The following ARHGAP6 variants were observed in gnomAD, a reference collection of about 807,000 sequenced individuals.
The protein encoded by ARHGAP6 is rho GTPase-activating protein 6.
In ARHGAP6, 16 loss-of-function variants were observed where a neutral mutation model predicts 55.7. That is an observed-to-expected ratio of 0.29 (90% CI 0.19 to 0.44). The LOEUF is 0.44. Ranked by LOEUF, ARHGAP6 falls within the 20% of genes least tolerant of loss-of-function variation. The probability of loss-of-function intolerance (pLI) is 1.00; values close to 1 mark genes in which losing one functional copy is unlikely to be tolerated. For synonymous variants in ARHGAP6, 382 were observed against 360.9 expected, an observed-to-expected ratio of 1.06 and a Z score of -0.66; for missense variants, 698 against 808.9, an observed-to-expected ratio of 0.86 and a Z score of 1.66.
chrX:11,287,025 T>C (rs2047929543), intron 1 of ARHGAP6, among the ~76,000 whole-genome samples: 1 of 112,056 alleles, frequency 8.9e-6, no homozygotes, highest in Non-Finnish European at 1.9e-5. Context: ...AAAAATATAC[T>C]AAAACCCACT....
At chrX:11,554,321 T>A (rs1453819550) in intron 1 of ARHGAP6, among the ~76,000 whole-genome samples, 1 of 111,518 alleles carries the variant, frequency 9.0e-6, no homozygotes, top group East Asian at 2.8e-4. Flanking sequence ...TGAAGAGAGG[T>A]TGGTTCATGT....
rs140406058 is a variant in ARHGAP6 at position 11,487,949 on chromosome X, G to A, written c.588+176292C>T. Among the ~76,000 whole-genome samples the A allele has an allele frequency of 3.5e-3, 391 of 112,213 alleles. 2 individuals carry two copies. The highest frequency in any genetic ancestry group is 0.012 in the African/African-American group (376 of 30,949). On this transcript the variant is annotated intron_variant, in intron 1 of 12. Transcript: ENST00000337414. Reference sequence around the variant, plus strand: ...AGTGAGTGAAAGTTTGATGACGAATGGGATATTTATACCTCTTCAAATGTG... The same window carrying A: ...AGTGAGTGAAAGTTTGATGACGAATAGGATATTTATACCTCTTCAAATGTG...
chrX:11,431,267 T>C (rs1243929912), intron 1 of ARHGAP6, among the ~76,000 whole-genome samples: 2 of 112,573 alleles, frequency 1.8e-5, no homozygotes, highest in African/African-American at 6.5e-5. Context: ...AGAGAAAACG[T>C]GCCCTGCTAA....
At chrX:11,565,428 A>G (rs995483179) in intron 1 of ARHGAP6, among the ~76,000 whole-genome samples, 5 of 112,398 alleles carry the variant, frequency 4.4e-5, no homozygotes, top group African/African-American at 1.6e-4. Context: ...GGATCCCAGC[A>G]GCTAGAAGTT....
chrX:11,424,780 G>A (rs147511487), intron 1 of ARHGAP6, among the ~76,000 whole-genome samples: 1,525 of 112,586 alleles, frequency 0.014, 16 homozygotes, highest in African/African-American at 0.047. Context: ...TGGGAAAACT[G>A]TAGGAGGAAA....
chrX:11,493,295 G>A (rs1227170836), intron 1 of ARHGAP6, among the ~76,000 whole-genome samples: 2 of 111,802 alleles, frequency 1.8e-5, no homozygotes, highest in African/African-American at 3.3e-5. Flanking sequence ...GGCAATGAGG[G>A]GCAGTAATTA....
At chrX:11,215,184 C>T (rs1486803055) in intron 2 of ARHGAP6, among the ~76,000 whole-genome samples, 1 of 112,832 alleles carries the variant, frequency 8.9e-6, no homozygotes, top group Admixed American at 9.2e-5. Flanking sequence ...CCGGAGGTCC[C>T]CTGGGCATCC....
chrX:11,432,960 T>C (rs2049954476), intron 1 of ARHGAP6, among the ~76,000 whole-genome samples: 2 of 112,830 alleles, frequency 1.8e-5, no homozygotes, highest in African/African-American at 3.2e-5. Flanking sequence ...TTTTACTCTA[T>C]AGCCATAATT....
chrX:11,254,837 TC>T (rs1288780306), intron 1 of ARHGAP6, 130 bp from the exon 2 acceptor site: 5 of 803,664 alleles, frequency 6.2e-6, no homozygotes, highest in Non-Finnish European at 8.4e-6. Context: ...GGGTCTCAAT[TC>T]CCAAAGTCAA....
intron 6 of ARHGAP6, among the ~76,000 whole-genome samples, chrX:11,181,513 G>C (rs1422881577): frequency 8.9e-6 from 1 of 112,297 alleles, no homozygotes; most frequent in Admixed American, 9.4e-5. Context: ...ACCTATTGTT[G>C]AAGGTCTAAT....
At chrX:11,357,745 C>A (rs953113634) in intron 1 of ARHGAP6, among the ~76,000 whole-genome samples, 4 of 111,633 alleles carry the variant, frequency 3.6e-5, no homozygotes, top group African/African-American at 1.3e-4. Flanking sequence ...TCTTGGGTAT[C>A]CTACAAGTCA....
intron 1 of ARHGAP6, among the ~76,000 whole-genome samples, chrX:11,495,526 G>A (rs1015379911): frequency 8.9e-6 from 1 of 111,936 alleles, no homozygotes; most frequent in African/African-American, 3.2e-5. Context: ...TCTACATGGA[G>A]AGAGACATCT....
At chrX:11,531,451 C>A (rs7060078) in intron 1 of ARHGAP6, among the ~76,000 whole-genome samples, 11,372 of 110,415 alleles carry the variant, frequency 0.1, 718 homozygotes, top group African/African-American at 0.22. Flanking sequence ...TGAAAAAATC[C>A]CATGAAGCAA....
chrX:11,362,225 A>G (rs2147695313), intron 1 of ARHGAP6, among the ~76,000 whole-genome samples: 1 of 111,947 alleles, frequency 8.9e-6, no homozygotes, highest in Non-Finnish European at 1.9e-5. Context: ...TTGCAGCACT[A>G]TTCACAATAG....
Position 11,143,965 on chromosome X carries a change from C to A in ARHGAP6, c.2176+15G>T. On this transcript the variant is annotated intron_variant, in intron 11 of 12. Transcript: ENST00000337414. ...GCTTGTTTTGGCCAGCGCCTGCTGG[C>A]CAGGCTCCAGTTACCTTTCCCAAGC... 8.3e-7 allele frequency: 1 copy of A among 1,212,092 alleles called. No homozygotes were observed. Among genetic ancestry groups the A allele is most frequent in the Non-Finnish European group, 1.1e-6 (1 of 895,547 alleles).
At chrX:11,185,473 ATTTTC>A (rs1164138851) in intron 5 of ARHGAP6, among the ~76,000 whole-genome samples, 1 of 111,750 alleles carries the variant, frequency 8.9e-6, no homozygotes, top group African/African-American at 3.3e-5. Flanking sequence ...TAGCCTCAGA[ATTTTC>A]TTTGCTTTCA....
At chrX:11,494,418 A>T (rs1190855276) in intron 1 of ARHGAP6, among the ~76,000 whole-genome samples, 1 of 112,464 alleles carries the variant, frequency 8.9e-6, no homozygotes, top group Non-Finnish European at 1.9e-5. Context: ...TAATTAAGAG[A>T]GATTACAGAA....
chrX:11,380,057 G>A (rs983721467), intron 1 of ARHGAP6, among the ~76,000 whole-genome samples: 1 of 111,880 alleles, frequency 8.9e-6, no homozygotes, highest in Non-Finnish European at 1.9e-5. Context: ...CTGGCTCTCA[G>A]AAGACAATTT....
chrX:11,384,298 A>G (rs1200076670), intron 1 of ARHGAP6, among the ~76,000 whole-genome samples: 1 of 111,834 alleles, frequency 8.9e-6, no homozygotes. Flanking sequence ...AAAAACCAGG[A>G]TGAGTCTGGA....
Sources: allele counts gnomAD v4.1 joint callset (sites outside exome capture counted in the v4.1 genomes callset), GRCh38; gene constraint gnomAD v4.1.1; transcripts MANE v1.5; gene names NCBI Gene and HGNC (gene_info 2026-07-23, HGNC 2026-07-21).